MYO1B: variants seen among roughly 807,000 people sequenced by gnomAD.
MYO1B encodes myosin IB.
A neutral mutation model predicts 159.7 loss-of-function variants in MYO1B; 72 were observed. The ratio of observed to expected loss-of-function variants is 0.45; its 90% confidence interval spans 0.37 to 0.55. The LOEUF (loss-of-function observed/expected upper bound fraction) is 0.55, where lower values mean the gene tolerates loss of function less well. MYO1B is among the 20% of genes least tolerant of loss of function. The pLI is 0.00. For synonymous variants in MYO1B, 468 were observed against 473.8 expected, an observed-to-expected ratio of 0.99 and a Z score of 0.16; for missense variants, 1,062 against 1,364.8, an observed-to-expected ratio of 0.78 and a Z score of 3.50.
chr2:191,343,635 A>T (rs182280702), intron 5 of MYO1B, among the ~76,000 whole-genome samples: 7 of 152,266 alleles, frequency 4.6e-5, no homozygotes, highest in Non-Finnish European at 5.9e-5. Flanking sequence ...TTGGGGTGCT[A>T]TACATTTGCT....
chr2:191,310,496 C>A (rs570377481), intron 3 of MYO1B, among the ~76,000 whole-genome samples: 1 of 152,348 alleles, frequency 6.6e-6, no homozygotes, highest in Non-Finnish European at 1.5e-5. Flanking sequence ...AGCCACCACG[C>A]CCGACCTGAA....
chr2:191,385,739 T>C lies in MYO1B; in HGVS notation c.1354-145T>C. On this transcript the variant is annotated intron_variant, in intron 15 of 30. Transcript: ENST00000392318. ...AAGAGCTGATTCCTGTGGCTTTTGT[T>C]ATTGTTTTGAGTCTCTGCTTTTTGT... 4 of 840,162 alleles carry C rather than the reference T, an allele frequency of 4.8e-6. No individual in the cohort carries two copies. The South Asian group carries it at 5.1e-5, about 11-fold the overall frequency. The allele number at this position is 840,162 out of a possible 1,614,324, so 52.0% of individuals were successfully genotyped here.
intron 25 of MYO1B, 26 bp downstream of exon 25, chr2:191,408,215 A>G (rs1697046742): frequency 6.4e-7 from 1 of 1,552,176 alleles, no homozygotes; most frequent in Non-Finnish European, 8.9e-7. Context: ...ATATCTGTGG[A>G]TAATCAGCAT....
At chr2:191,298,495 A>G (rs1574369163) in intron 3 of MYO1B, among the ~76,000 whole-genome samples, 1 of 152,278 alleles carries the variant, frequency 6.6e-6, no homozygotes, top group East Asian at 1.9e-4. Flanking sequence ...AAAAATCTGG[A>G]TTCCTAGGTC....
intron 3 of MYO1B, among the ~76,000 whole-genome samples, chr2:191,298,102 T>C (rs920986420): frequency 7.9e-5 from 12 of 152,268 alleles, no homozygotes; most frequent in African/African-American, 2.9e-4. Flanking sequence ...TATATACCAC[T>C]GTCCAGATGC....
chr2:191,408,207 A>G lies in MYO1B; in HGVS notation c.2631+18A>G, dbSNP rs2271768. On this transcript the variant is annotated intron_variant, in intron 25 of 30. Transcript: ENST00000392318. Reference sequence around the variant, plus strand: ...AGAGAATTGTAAGTTGACACTTTATATCTGTGGATAATCAGCATTGTGGAA... The same window carrying G: ...AGAGAATTGTAAGTTGACACTTTATGTCTGTGGATAATCAGCATTGTGGAA... The G allele has an allele frequency of 0.055, 86,486 of 1,580,278 alleles. 10,497 individuals are homozygous for G. The highest frequency in any genetic ancestry group is 0.48 in the African/African-American group (35,670 of 74,062).
chr2:191,345,303 G>T (rs1007419719), intron 5 of MYO1B, among the ~76,000 whole-genome samples: 1 of 152,162 alleles, frequency 6.6e-6, no homozygotes, highest in African/African-American at 2.4e-5. Context: ...GATGGGCGGG[G>T]TGGGGCTTCC....
At chr2:191,346,762 C>T (rs1166525315) in intron 6 of MYO1B, among the ~76,000 whole-genome samples, 2 of 152,162 alleles carry the variant, frequency 1.3e-5, no homozygotes, top group African/African-American at 4.8e-5. Context: ...GAGCGTGGGG[C>T]TGTAGAGTAG....
chr2:191,304,158 G>A (rs1292653346), intron 3 of MYO1B, among the ~76,000 whole-genome samples: 1 of 152,204 alleles, frequency 6.6e-6, no homozygotes, highest in Admixed American at 6.5e-5. Flanking sequence ...TCTGCAGTGG[G>A]AAACATCTCT....
chr2:191,307,745 G>A (rs1689739471), intron 3 of MYO1B, among the ~76,000 whole-genome samples: 1 of 152,148 alleles, frequency 6.6e-6, no homozygotes, highest in Non-Finnish European at 1.5e-5. Flanking sequence ...ACGTTTGGGG[G>A]TTTCCATGAT....
intron 24 of MYO1B, among the ~76,000 whole-genome samples, chr2:191,406,558 CTG>C (rs1251953805): frequency 6.6e-6 from 1 of 152,122 alleles, no homozygotes; most frequent in African/African-American, 2.4e-5. Flanking sequence ...CTATATTGCT[CTG>C]TCTTAGGGAA....
At position 191,414,545 on chromosome 2, in the gene MYO1B, A is replaced by G. The variant is rs1697446399; in HGVS notation, c.3035A>G (p.Asn1012Ser). 6.2e-7 allele frequency: 1 copy of G among 1,610,888 alleles called. No homozygotes were observed. Among genetic ancestry groups the G allele is most frequent in the Non-Finnish European group, 8.5e-7 (1 of 1,179,064 alleles). The change falls in exon 29 of 31, where the codon AAC becomes AGC. Residue 1012 changes from asparagine to serine, a missense_variant. Around this residue, in one of 5 missense-constraint regions of MYO1B, gnomAD observed 609 missense variants for 744.4 expected, o/e 0.82. Transcript: ENST00000392318. ...ACATCTCGGATTTTCCTCTTAACAA[A>G]CAATAATCTCCTTCTTGCTGACCAA... ...KSTSRIFLLT[N>S]NNLLLADQKS...
chr2:191,352,687 C>T (rs1290820553), intron 7 of MYO1B, among the ~76,000 whole-genome samples: 1 of 152,072 alleles, frequency 6.6e-6, no homozygotes, highest in Non-Finnish European at 1.5e-5. Context: ...TGAGAACACC[C>T]TGGTATTTAA....
intron 13 of MYO1B, 127 bp downstream of exon 13, chr2:191,370,419 AAC>A: frequency 1.5e-6 from 1 of 683,794 alleles, no homozygotes; most frequent in East Asian, 2.8e-5. Flanking sequence ...GTGTAGATGT[AAC>A]ACACTATCAC....
intron 3 of MYO1B, among the ~76,000 whole-genome samples, chr2:191,321,721 T>G (rs921962494): frequency 4.6e-5 from 7 of 152,210 alleles, no homozygotes; most frequent in Non-Finnish European, 7.4e-5. Flanking sequence ...TTCCATGACA[T>G]GCGTCTCTCA....
Position 191,392,184 on chromosome 2 carries a change from A to T in MYO1B, c.2059A>T (p.Ile687Phe). The T allele has an allele frequency of 6.2e-7, 1 of 1,606,762 alleles. No individual in the cohort carries two copies. The highest frequency in any genetic ancestry group is 8.5e-7 in the Non-Finnish European group (1 of 1,174,652). The change falls in exon 19 of 31, where the codon ATC (isoleucine) becomes TTC (phenylalanine). Residue 687 changes from isoleucine (I) to phenylalanine (F), a missense_variant. Around this residue, in one of 5 missense-constraint regions of MYO1B, gnomAD observed 609 missense variants for 744.4 expected, o/e 0.82. Coordinates refer to ENST00000392318, the MANE Select transcript of MYO1B (RefSeq NM_001130158.3). ...CTCCTTTGGTAGATCAAAGATATTCATCCGAAACCCAAGAACAGTATGTAA... is the reference window on the plus strand; with the variant it reads ...CTCCTTTGGTAGATCAAAGATATTCTTCCGAAACCCAAGAACAGTATGTAA... ...EYSFGRSKIF[I>F]RNPRTLFKLE...
Position 191,381,635 on chromosome 2 carries a change from A to G in MYO1B, c.1290+69A>G, listed in dbSNP as rs567741650. On this transcript the variant is annotated intron_variant, in intron 14 of 30. Coordinates refer to ENST00000392318, the MANE Select transcript of MYO1B (RefSeq NM_001130158.3). ...CTCGTAATATAAATTCTAATTCAGAAGATAGCCTAAACAAGAAGCCATATT... is the reference window on the plus strand; with the variant it reads ...CTCGTAATATAAATTCTAATTCAGAGGATAGCCTAAACAAGAAGCCATATT... The G allele has an allele frequency of 1.4e-4, 162 of 1,139,150 alleles. No homozygotes were observed. The African/African-American group carries it at 2.2e-3, about 16-fold the overall frequency. 70.6% of individuals were successfully genotyped at this position (1,139,150 alleles called of 1,614,324 possible).
chr2:191,328,554 G>A lies in MYO1B; in HGVS notation c.252-1381G>A, dbSNP rs146804647. ...GTTGTGAGATTTAAAATGACTAAAC[G>A]TAAAGAGCTTGGAGGCAGTTCTGGT... On this transcript the variant is annotated intron_variant, in intron 3 of 30. Transcript: ENST00000392318. Among the ~76,000 whole-genome samples, 13 of 152,316 alleles carry A rather than the reference G, an allele frequency of 8.5e-5. No individual in the cohort carries two copies. In the East Asian group the frequency reaches 2.1e-3, roughly 25 times the overall value.
intron 13 of MYO1B, among the ~76,000 whole-genome samples, chr2:191,370,529 T>C (rs1389625226): frequency 6.6e-6 from 1 of 151,738 alleles, no homozygotes; most frequent in Non-Finnish European, 1.5e-5. Context: ...GTGTGTGTGG[T>C]GTGCGTATGC....
Sources: gnomAD v4.1 joint callset for allele counts (sites outside exome capture counted in the v4.1 genomes callset) on GRCh38, gnomAD v4.1.1 for gene constraint, gnomAD v4.1.1 regional missense constraint, MANE v1.5 for transcripts, NCBI Gene and HGNC (gene_info 2026-07-23, HGNC 2026-07-21) for gene names.